Variants in RAP1GAP2 observed in about 807,000 individuals in gnomAD.
The protein encoded by RAP1GAP2 is RAP1 GTPase activating protein 2.
RAP1GAP2 carries 27 observed loss-of-function variants against 95.0 expected under a neutral mutation model. The observed-to-expected ratio is 0.28, with a 90% CI of 0.21 to 0.39. The LOEUF (loss-of-function observed/expected upper bound fraction) is 0.39. Ranked by LOEUF, RAP1GAP2 falls within the 10% of genes least tolerant of loss-of-function variation. The pLI is 1.00. For missense variants in RAP1GAP2, 771 were observed against 970.0 expected (o/e 0.79, Z 2.72); for synonymous variants, 373 against 380.9 (o/e 0.98, Z 0.24).
chr17:2,913,135 A>C (rs753674606), intron 3 of RAP1GAP2, among the ~76,000 whole-genome samples: 34 of 152,022 alleles, frequency 2.2e-4, no homozygotes, highest in Non-Finnish European at 4.1e-4. Flanking sequence ...TTATGATTGC[A>C]CCACTGCACT....
intron 2 of RAP1GAP2, among the ~76,000 whole-genome samples, chr17:2,847,873 G>C (rs925595016): frequency 1.3e-5 from 2 of 152,108 alleles, no homozygotes; most frequent in Admixed American, 1.3e-4. Context: ...ACCTCTTCCT[G>C]TTCGTCAGAA....
At chr17:2,952,170 C>G (rs530507511) in intron 3 of RAP1GAP2, among the ~76,000 whole-genome samples, 1 of 152,284 alleles carries the variant, frequency 6.6e-6, no homozygotes, top group Admixed American at 6.5e-5. Flanking sequence ...AGATGCAGTC[C>G]TGTGTCTCTC....
At chr17:2,996,728 A>G (rs957744995) in intron 13 of RAP1GAP2, among the ~76,000 whole-genome samples, 1 of 152,228 alleles carries the variant, frequency 6.6e-6, no homozygotes, top group African/African-American at 2.4e-5. Context: ...ACCTTGGCAC[A>G]GGGCTCGGCT....
Position 2,992,948 on chromosome 17 carries a change from C to T in RAP1GAP2, c.914+1551C>T, listed in dbSNP as rs148433833. Among the ~76,000 whole-genome samples the T allele has an allele frequency of 2.0e-3, 300 of 151,894 alleles. 5 individuals are homozygous for T. The East Asian group carries it at 0.046, about 23-fold the overall frequency. On this transcript the variant is annotated intron_variant, in intron 12 of 24. Transcript: ENST00000254695. ...ATAAAGGGCTGGGCTCAGTGGCTCA[C>T]GCCTGTAATCCCAGCACTTTGGGAG...
At chr17:2,910,758 C>A (rs1001555083) in intron 3 of RAP1GAP2, among the ~76,000 whole-genome samples, 1 of 152,208 alleles carries the variant, frequency 6.6e-6, no homozygotes, top group Admixed American at 6.5e-5. Context: ...CGGAGTCTCA[C>A]TCTGTCACCC....
chr17:2,903,843 G>A lies in RAP1GAP2; in HGVS notation c.81-1441G>A, dbSNP rs1264279145. 6.6e-6 allele frequency among the ~76,000 whole-genome samples: 1 copy of A among 152,154 alleles called. No individual in the cohort carries two copies. The highest frequency in any genetic ancestry group is 6.5e-5 in the Admixed American group (1 of 15,278). The stretch of plus-strand genomic sequence containing the variant: ...AGTGTTCTCAGCCTGGTCCTGCTCC[G>A]TGGGCTCAGGGAGCCAGGCAGGATG... On this transcript the variant is annotated intron_variant, in intron 2 of 24. Coordinates refer to ENST00000254695, the MANE Select transcript of RAP1GAP2 (RefSeq NM_015085.5). The surrounding 1 kb of genome is among the most constrained non-coding windows in gnomAD (Gnocchi z 4.1).
intron 3 of RAP1GAP2, among the ~76,000 whole-genome samples, chr17:2,915,032 C>T (rs1037291224): frequency 1.2e-4 from 18 of 150,906 alleles, no homozygotes; most frequent in African/African-American, 4.1e-4. Context: ...CCTCGTGATC[C>T]GCCCGCCTCG....
At chr17:2,809,441 C>T (rs1042787653) in intron 2 of RAP1GAP2, among the ~76,000 whole-genome samples, 4 of 152,132 alleles carry the variant, frequency 2.6e-5, no homozygotes, top group African/African-American at 9.7e-5. Context: ...GGCAAGGACG[C>T]CGGAGAGGAA....
At chr17:2,784,727 A>T (rs2068735402) in intron 1 of RAP1GAP2, among the ~76,000 whole-genome samples, 1 of 152,066 alleles carries the variant, frequency 6.6e-6, no homozygotes, top group Non-Finnish European at 1.5e-5. Context: ...CCGTAATGAG[A>T]GAAGGGGGAA....
chr17:2,823,984 G>A lies in RAP1GAP2; in HGVS notation c.80+23434G>A, dbSNP rs187221499. ...TAAAAATATAAAAAATTAGCTGGGC[G>A]TGGTGGCGGGCGCCTGTAGTCCCAG... On this transcript the variant is annotated intron_variant, in intron 2 of 24. Coordinates refer to ENST00000254695, the MANE Select transcript of RAP1GAP2 (RefSeq NM_015085.5). Among the ~76,000 whole-genome samples the A allele has an allele frequency of 8.1e-3, 1,222 of 151,592 alleles. 13 individuals carry two copies. The highest frequency in any genetic ancestry group is 0.028 in the African/African-American group (1,170 of 41,338).
intron 2 of RAP1GAP2, among the ~76,000 whole-genome samples, chr17:2,830,461 A>G (rs1163874456): frequency 1.3e-5 from 2 of 151,866 alleles, no homozygotes; most frequent in East Asian, 3.9e-4. Context: ...CACGCCTGTA[A>G]TCCCAGCACT....
chr17:2,865,217 CAGAG>C (rs2072573962), intron 2 of RAP1GAP2, among the ~76,000 whole-genome samples: 1 of 152,154 alleles, frequency 6.6e-6, no homozygotes. Context: ...AAGTGCAGCT[CAGAG>C]AGACCAGGTG....
intron 17 of RAP1GAP2, among the ~76,000 whole-genome samples, chr17:3,009,076 G>A (rs2046426331): frequency 6.6e-6 from 1 of 152,144 alleles, no homozygotes; most frequent in Non-Finnish European, 1.5e-5. Context: ...GGAATTATGT[G>A]TAGGGCTACA....
At position 2,933,032 on chromosome 17, in the gene RAP1GAP2, G is replaced by A. The variant is rs903295999; in HGVS notation, c.166-24727G>A. Among the ~76,000 whole-genome samples the A allele has an allele frequency of 2.6e-5, 4 of 152,192 alleles. No individual in the cohort carries two copies. The South Asian group carries it at 8.3e-4, about 32-fold the overall frequency. ...GTTCTCAACACTTGCTTGGCAGAGG[G>A]GAGGAGGCCCAGTGTCCCCGCGTAC... On this transcript the variant is annotated intron_variant, in intron 3 of 24. Transcript: ENST00000254695.
chr17:2,919,027 A>G (rs1023696517), intron 3 of RAP1GAP2, among the ~76,000 whole-genome samples: 5 of 152,130 alleles, frequency 3.3e-5, no homozygotes, highest in Non-Finnish European at 5.9e-5. Context: ...TTCGGTGAAT[A>G]TAGTTTGTCA....
At chr17:2,934,340 C>T (rs2043241175) in intron 3 of RAP1GAP2, among the ~76,000 whole-genome samples, 1 of 152,182 alleles carries the variant, frequency 6.6e-6, no homozygotes, top group Admixed American at 6.5e-5. Flanking sequence ...CCATGTTGAC[C>T]AGGCTGGTCT....
chr17:2,883,678 A>AAGCTGT (rs1248046151), intron 2 of RAP1GAP2, among the ~76,000 whole-genome samples: 1 of 152,140 alleles, frequency 6.6e-6, no homozygotes, highest in African/African-American at 2.4e-5. Context: ...GAGTGGGGTA[A>AAGCTGT]AGCTGTTACC....
upstream of RAP1GAP2, among the ~76,000 whole-genome samples, chr17:2,776,520 C>G (rs768770636): frequency 1.2e-3 from 186 of 152,202 alleles, no homozygotes; most frequent in Non-Finnish European, 1.9e-3. Context: ...ACCCGCTGTA[C>G]CCCCTGCCAC....
chr17:2,861,935 C>T (rs1023400426), intron 2 of RAP1GAP2, among the ~76,000 whole-genome samples: 5 of 152,192 alleles, frequency 3.3e-5, no homozygotes, highest in African/African-American at 4.8e-5. Flanking sequence ...GGATTACAGA[C>T]GTGAGCCTCC....
Sources: gnomAD v4.1 joint callset for allele counts (sites outside exome capture counted in the v4.1 genomes callset) on GRCh38, gnomAD v4.1.1 for gene constraint, Gnocchi (gnomAD v3.1) non-coding constraint, MANE v1.5 for transcripts, NCBI Gene and HGNC (gene_info 2026-07-23, HGNC 2026-07-21) for gene names.